CCND3: variants seen among roughly 807,000 people sequenced by gnomAD.
CCND3 encodes the protein G1/S-specific cyclin-D3.
Under a neutral mutation model 28.7 loss-of-function variants are expected in CCND3, and 9 were observed. The ratio of observed to expected loss-of-function variants is 0.31; its 90% CI spans 0.19 to 0.55. The LOEUF is 0.55. CCND3 is among the 20% of genes least tolerant of loss of function. CCND3 has a pLI of 0.93. For synonymous variants in CCND3, 164 were observed against 163.9 expected (o/e 1.00, Z 0.00); for missense variants, 315 against 385.8 (o/e 0.82, Z 1.54).
At chr6:42,036,403 ATTT>A (rs57849655) in intron 1 of CCND3, among the ~76,000 whole-genome samples, 101 of 31,280 alleles carry the variant, frequency 3.2e-3, no homozygotes, top group African/African-American at 0.011. Context: ...ATATATATAT[ATTT>A]TTTTTTTTTT....
chr6:41,972,078 A>T (rs1336915635), intron 1 of CCND3, among the ~76,000 whole-genome samples: 1 of 150,682 alleles, frequency 6.6e-6, no homozygotes, highest in Non-Finnish European at 1.5e-5. Flanking sequence ...ATACAAAAAA[A>T]TTAGCTGGGC....
intron 1 of CCND3, among the ~76,000 whole-genome samples, chr6:41,975,754 T>TA (rs1159278994): frequency 6.6e-6 from 1 of 150,664 alleles, no homozygotes; most frequent in Non-Finnish European, 1.5e-5. Context: ...TTTTTTTTTT[T>TA]AAGTATCGAG....
chr6:42,010,533 C>A (rs550420355), intron 1 of CCND3, among the ~76,000 whole-genome samples: 1 of 152,094 alleles, frequency 6.6e-6, no homozygotes, highest in Non-Finnish European at 1.5e-5. Flanking sequence ...ACACCAAGCC[C>A]GACAGTAAAT....
intron 1 of CCND3, among the ~76,000 whole-genome samples, chr6:42,033,357 G>A (rs975923328): frequency 4.6e-5 from 7 of 151,902 alleles, no homozygotes; most frequent in African/African-American, 1.7e-4. Flanking sequence ...GGCTAAGGCG[G>A]GAGAATCACT....
intron 3 of CCND3, 69 bp downstream of exon 3, chr6:41,937,166 C>T (rs761382151): frequency 6.5e-7 from 1 of 1,526,728 alleles, no homozygotes; most frequent in Non-Finnish European, 9.1e-7. Context: ...CCAGAATCTT[C>T]AGTTACCTCT....
upstream of CCND3, among the ~76,000 whole-genome samples, chr6:41,943,417 A>ACTTTT (rs1582092438): frequency 6.6e-6 from 1 of 152,182 alleles, no homozygotes. Context: ...TACTGTTAAC[A>ACTTTT]CTTTTCCATG....
At chr6:42,015,906 T>C (rs1763491762) in intron 1 of CCND3, among the ~76,000 whole-genome samples, 1 of 151,882 alleles carries the variant, frequency 6.6e-6, no homozygotes. Context: ...AGTTTTCACG[T>C]ATACAATACG....
At position 41,936,245 on chromosome 6, in the gene CCND3, T is replaced by A. The variant is rs148137451; in HGVS notation, c.712-138A>T. The A allele has an allele frequency of 3.2e-6, 3 of 943,360 alleles. No homozygotes were observed. The African/African-American group carries it at 5.0e-5, about 16-fold the overall frequency. 58.4% of individuals were successfully genotyped at this position (943,360 alleles called of 1,614,324 possible). ...CAGCCCGGCCCCAGGAATCGCTCTT[T>A]AGTTCTCAGAAACTAGCAAGAGGAT... On this transcript the variant is annotated intron_variant, in intron 4 of 4. Transcript: ENST00000372991. This position sits in a 1 kb window ranked among gnomAD's most constrained non-coding sequence, Gnocchi z 4.4.
At chr6:41,975,141 T>C (rs1189066393) in intron 1 of CCND3, among the ~76,000 whole-genome samples, 2 of 152,152 alleles carry the variant, frequency 1.3e-5, no homozygotes, top group African/African-American at 4.8e-5. Flanking sequence ...TATGGTACAT[T>C]ATACTTTTCA....
chr6:42,046,721 G>A (rs1344780321), intron 1 of CCND3, among the ~76,000 whole-genome samples: 1 of 152,090 alleles, frequency 6.6e-6, no homozygotes, highest in Non-Finnish European at 1.5e-5. Flanking sequence ...CTCTATTCCA[G>A]GCCTGCTGGG....
At chr6:41,988,914 T>A (rs1762571095) in intron 1 of CCND3, among the ~76,000 whole-genome samples, 1 of 151,462 alleles carries the variant, frequency 6.6e-6, no homozygotes, top group African/African-American at 2.4e-5. Flanking sequence ...TTAGCCAGGA[T>A]GGTCTCGATC....
chr6:41,936,992 C>T lies in CCND3; in HGVS notation c.574+243G>A, dbSNP rs1200902053. 6.6e-6 allele frequency: 4 copies of T among 601,650 alleles called. No homozygotes were observed. The highest frequency in any genetic ancestry group is 1.2e-5 in the Non-Finnish European group (4 of 341,646). The allele number at this position is 601,650 out of a possible 1,614,324, so 37.3% of individuals were successfully genotyped here. ...TGGGGTTCTGTTCCCAACCTGTTCA[C>T]TGTGAGACCTTGGGCAAGTCACTTC... On this transcript the variant is annotated intron_variant, in intron 3 of 4. Coordinates refer to ENST00000372991, the MANE Select transcript of CCND3 (RefSeq NM_001760.5). This position sits in a 1 kb window ranked among gnomAD's most constrained non-coding sequence, Gnocchi z 4.4.
intron 1 of CCND3, among the ~76,000 whole-genome samples, chr6:42,020,248 C>T (rs62415867): frequency 3.9e-5 from 6 of 152,102 alleles, no homozygotes; most frequent in Non-Finnish European, 8.8e-5. Context: ...TGCCACTGCA[C>T]TCCAGCCTGG....
chr6:42,015,397 C>CA (rs1003200432), intron 1 of CCND3, among the ~76,000 whole-genome samples: 12 of 151,966 alleles, frequency 7.9e-5, no homozygotes, highest in Admixed American at 3.3e-4. Flanking sequence ...ACTACCCTTG[C>CA]AAAAAAATAT....
chr6:41,944,531 C>T (rs538879494), upstream of CCND3, among the ~76,000 whole-genome samples: 3 of 152,178 alleles, frequency 2.0e-5, no homozygotes, highest in East Asian at 3.9e-4. Flanking sequence ...AAGTGATTCT[C>T]CTGCCTCAGC....
intron 1 of CCND3, among the ~76,000 whole-genome samples, chr6:41,964,957 A>G (rs1272434645): frequency 6.8e-6 from 1 of 148,044 alleles, no homozygotes; most frequent in Non-Finnish European, 1.5e-5. Context: ...TGACTCTAGG[A>G]TTTCTGGTTC....
rs67939325 is a variant in CCND3 at position 41,990,660 on chromosome 6, A to ATTTTTTTTT, written c.-45-50084_-45-50076dup. On this transcript the variant is annotated intron_variant, in intron 1 of 4. Transcript: ENST00000372988. ...TAGTCCATGAATCTATAACCAACTG[A>ATTTTTTTTT]TTTTTTTTTTTTTTTTTTTTTTTTT... Among the ~76,000 whole-genome samples the ATTTTTTTTT allele has an allele frequency of 2.4e-4, 29 of 121,274 alleles. 9 individuals carry two copies. The highest frequency in any genetic ancestry group is 2.8e-4 in the African/African-American group (9 of 31,636). 79.6% of individuals were successfully genotyped at this position (121,274 alleles called of 152,430 possible).
intron 1 of CCND3, among the ~76,000 whole-genome samples, chr6:42,007,258 G>A (rs1202947806): frequency 6.6e-6 from 1 of 152,178 alleles, no homozygotes; most frequent in African/African-American, 2.4e-5. Context: ...AAAAAGGTCT[G>A]TGTTTTTGAA....
upstream of CCND3, among the ~76,000 whole-genome samples, chr6:41,946,783 G>A (rs972795782): frequency 1.6e-4 from 25 of 151,932 alleles, no homozygotes; most frequent in Non-Finnish European, 1.6e-4. Context: ...ATTCCTATCA[G>A]TAAAAATTGA....
Sources: gnomAD v4.1 joint callset for allele counts (sites outside exome capture counted in the v4.1 genomes callset) on GRCh38, gnomAD v4.1.1 for gene constraint, Gnocchi (gnomAD v3.1) non-coding constraint, MANE v1.5 for transcripts, NCBI Gene and HGNC (gene_info 2026-07-23, HGNC 2026-07-21) for gene names.